The following FNIP2 variants were observed in gnomAD, a reference collection of about 807,000 sequenced individuals.
FNIP2 encodes the protein folliculin interacting protein 2.
FNIP2 carries 32 observed loss-of-function variants against 108.7 expected under a neutral mutation model. The observed-to-expected ratio is 0.29, with a 90% CI of 0.22 to 0.40. The LOEUF is 0.40. Ranked by LOEUF, FNIP2 falls within the 10% of genes least tolerant of loss-of-function variation. FNIP2 has a pLI of 1.00. For synonymous variants in FNIP2, 480 were observed against 496.7 expected, an observed-to-expected ratio of 0.97 and a Z score of 0.45; for missense variants, 1,202 against 1,381.6, an observed-to-expected ratio of 0.87 and a Z score of 2.06.
chr4:158,882,064 C>T (rs1781678794), intron 14 of FNIP2, among the ~76,000 whole-genome samples: 1 of 151,964 alleles, frequency 6.6e-6, no homozygotes, highest in East Asian at 1.9e-4. Flanking sequence ...GGGAGTGCCT[C>T]TGCCCCACCG....
At chr4:158,863,788 C>G (rs1780424081) in intron 12 of FNIP2, among the ~76,000 whole-genome samples, 1 of 149,786 alleles carries the variant, frequency 6.7e-6, no homozygotes, top group East Asian at 1.9e-4. Flanking sequence ...ATGCCACTGT[C>G]TACACCACTG....
At chr4:158,825,480 G>C (rs35297764) in intron 1 of FNIP2, among the ~76,000 whole-genome samples, 343 of 152,192 alleles carry the variant, frequency 2.3e-3, no homozygotes, top group Non-Finnish European at 4.1e-3. Flanking sequence ...AGAAGAGAAG[G>C]CTCTACCGAC....
Position 158,859,233 on chromosome 4 carries a change from A to G in FNIP2, c.1034A>G (p.Asn345Ser). The change falls in exon 9 of 17, where the codon AAC becomes AGC. Residue 345 changes from asparagine to serine, a missense_variant. This residue lies in a region of FNIP2 where 878 missense variants were observed against 990.3 expected (regional missense o/e 0.89). Transcript: ENST00000264433. Reference sequence around the variant, plus strand: ...TTTCCCCTGTTTGAATCTCACATGAACAGGCTGAAGAGTGCAATTGAAAAG... The same window carrying G: ...TTTCCCCTGTTTGAATCTCACATGAGCAGGCTGAAGAGTGCAATTGAAAAG... ...SHFPLFESHM[N>S]RLKSAIEKAM... The G allele has an allele frequency of 2.5e-6, 4 of 1,610,354 alleles. No individual in the cohort carries two copies. Among genetic ancestry groups the G allele is most frequent in the Non-Finnish European group, 3.4e-6 (4 of 1,177,904 alleles).
chr4:158,816,945 TA>T (rs1175247724), intron 1 of FNIP2, among the ~76,000 whole-genome samples: 1 of 152,114 alleles, frequency 6.6e-6, no homozygotes, highest in Non-Finnish European at 1.5e-5. Context: ...ATTTAAGAAT[TA>T]AGGGAACCAT....
chr4:158,861,240 CTACA>C, intron 10 of FNIP2, 98 bp from the exon 11 acceptor site: 1 of 1,324,264 alleles, frequency 7.6e-7, no homozygotes, highest in Admixed American at 2.6e-5. Flanking sequence ...CTTTTAAGGA[CTACA>C]TAGATTCAAG....
chr4:158,869,060 T>A lies in FNIP2; in HGVS notation c.2424T>A (p.Asp808Glu), dbSNP rs753676291. 2.5e-6 allele frequency: 4 copies of A among 1,613,956 alleles called. No homozygotes were observed. The highest frequency in any genetic ancestry group is 3.4e-6 in the Non-Finnish European group (4 of 1,179,878). ...DRGSRNDMAA[D>E]IAGQLSHAAD... ...GCAGCAGAAACGACATGGCAGCAGA[T>A]ATTGCTGGGCAGCTCAGCCACGCTG... The change falls in exon 13 of 17, where the codon GAT (aspartate) becomes GAA (glutamate). Residue 808 changes from aspartate to glutamate, a missense_variant. Transcript: ENST00000264433.
intron 1 of FNIP2, among the ~76,000 whole-genome samples, chr4:158,782,413 C>A (rs911188225): frequency 1.3e-5 from 2 of 151,944 alleles, no homozygotes; most frequent in Non-Finnish European, 2.9e-5. Context: ...GCTTCATGCT[C>A]CCAGCCTTTA....
intron 1 of FNIP2, among the ~76,000 whole-genome samples, chr4:158,774,272 A>T (rs1411175811): frequency 6.6e-6 from 1 of 152,108 alleles, no homozygotes; most frequent in African/African-American, 2.4e-5. Flanking sequence ...GTAGGTGAAA[A>T]TTTTATTTTA....
intron 1 of FNIP2, among the ~76,000 whole-genome samples, chr4:158,783,474 T>C (rs907275257): frequency 5.3e-5 from 8 of 152,232 alleles, no homozygotes; most frequent in African/African-American, 1.4e-4. Flanking sequence ...TTAATTCAAA[T>C]TCCAAAGTAT....
At chr4:158,771,318 C>T (rs143282477) in intron 1 of FNIP2, among the ~76,000 whole-genome samples, 1 of 152,266 alleles carries the variant, frequency 6.6e-6, no homozygotes, top group East Asian at 1.9e-4. Flanking sequence ...CTGTGCTCAC[C>T]AGACTGACAA....
rs774740202 is a variant in FNIP2, at chr4:158,825,948, T to G, written c.140T>G (p.Ile47Ser). The part of the protein sequence containing the change: ...WSCSEFDLNE[I>S]RLIVYQDCDR... The stretch of plus-strand genomic sequence containing the variant: ...TGTTCGGAGTTTGACCTGAATGAGA[T>G]TCGCCTGATAGTTTACCAGGACTGT... Residue 47 changes from isoleucine (I) to serine (S), a missense_variant, in exon 2 of 17, where the codon ATT becomes AGT. Transcript: ENST00000264433. 1.9e-6 allele frequency: 3 copies of G among 1,608,546 alleles called. No individual in the cohort carries two copies. Among genetic ancestry groups the G allele is most frequent in the Non-Finnish European group, 2.6e-6 (3 of 1,175,434 alleles).
At chr4:158,827,627 C>T (rs1299106884) in intron 2 of FNIP2, among the ~76,000 whole-genome samples, 4 of 152,268 alleles carry the variant, frequency 2.6e-5, no homozygotes, top group South Asian at 4.2e-4. Flanking sequence ...AGTGGCACCT[C>T]GTGTCACTTA....
At chr4:158,831,151 G>GA (rs1046258337) in intron 3 of FNIP2, among the ~76,000 whole-genome samples, 45 of 152,296 alleles carry the variant, frequency 3.0e-4, no homozygotes, top group Middle Eastern at 3.4e-3. Flanking sequence ...AAGCAAACTG[G>GA]AAAGGGTCCA....
chr4:158,772,923 C>G (rs1489658093), intron 1 of FNIP2, among the ~76,000 whole-genome samples: 1 of 152,102 alleles, frequency 6.6e-6, no homozygotes, highest in Admixed American at 6.6e-5. Context: ...TATATAAGCA[C>G]AGAATTAAGA....
intron 7 of FNIP2, chr4:158,836,463 A>C (rs1005739793): frequency 1.3e-5 from 2 of 152,106 alleles, no homozygotes; most frequent in Non-Finnish European, 2.9e-5. Flanking sequence ...TTTGGTGTTC[A>C]TAATCTTTTC....
chr4:158,804,250 A>C (rs527563647), intron 1 of FNIP2, among the ~76,000 whole-genome samples: 6 of 152,108 alleles, frequency 3.9e-5, no homozygotes, highest in Admixed American at 6.6e-5. Flanking sequence ...CCCATATCAT[A>C]GTTTTAATGC....
At chr4:158,886,597 C>T (rs1385782249) in intron 14 of FNIP2, among the ~76,000 whole-genome samples, 1 of 152,164 alleles carries the variant, frequency 6.6e-6, no homozygotes, top group African/African-American at 2.4e-5. Flanking sequence ...GAAGTACAAA[C>T]ATATCGCAGA....
chr4:158,806,194 C>G (rs896371836), intron 1 of FNIP2: 2 of 1,267,740 alleles, frequency 1.6e-6, no homozygotes, highest in Non-Finnish European at 2.0e-6. Context: ...GATTTGTCTC[C>G]AAGTCCATGT....
chr4:158,778,203 A>G (rs1477911678), intron 1 of FNIP2, among the ~76,000 whole-genome samples: 1 of 152,214 alleles, frequency 6.6e-6, no homozygotes, highest in African/African-American at 2.4e-5. Flanking sequence ...GTTTGTCTTC[A>G]TGAAACTCTC....
Sources: allele counts gnomAD v4.1 joint callset (sites outside exome capture counted in the v4.1 genomes callset), GRCh38; gene constraint gnomAD v4.1.1; regional missense constraint gnomAD v4.1.1; transcripts MANE v1.5; gene names NCBI Gene and HGNC (gene_info 2026-07-23, HGNC 2026-07-21).